The following AFF3 variants were observed in gnomAD, a reference collection of about 807,000 sequenced individuals.
AFF3 encodes the protein AF4/FMR2 family member 3.
AFF3 carries 32 observed loss-of-function variants against 129.7 expected under a neutral mutation model. That is an observed-to-expected ratio of 0.25 (90% CI 0.19 to 0.33). The LOEUF (loss-of-function observed/expected upper bound fraction) is 0.33. Ranked by LOEUF, AFF3 falls within the 10% of genes least tolerant of loss-of-function variation. AFF3 has a pLI of 1.00. For synonymous variants in AFF3, 644 were observed against 635.4 expected, an observed-to-expected ratio of 1.01 and a Z score of -0.20; for missense variants, 1,373 against 1,592.0, an observed-to-expected ratio of 0.86 and a Z score of 2.34.
At chr2:99,895,131 A>G (rs557500620) in intron 7 of AFF3, among the ~76,000 whole-genome samples, 3 of 152,276 alleles carry the variant, frequency 2.0e-5, no homozygotes, top group East Asian at 3.9e-4. Context: ...GGTTGTTGAC[A>G]GTTTTTCTGT....
chr2:99,788,091 C>A (rs752257878), intron 8 of AFF3, among the ~76,000 whole-genome samples: 3 of 152,060 alleles, frequency 2.0e-5, no homozygotes, highest in African/African-American at 7.3e-5. Context: ...AAACCTAATG[C>A]GATGCCAGTC....
At chr2:100,082,710 G>A (rs1351584233) in intron 4 of AFF3, among the ~76,000 whole-genome samples, 1 of 152,088 alleles carries the variant, frequency 6.6e-6, no homozygotes, top group Non-Finnish European at 1.5e-5. Context: ...TTTTGTCATG[G>A]AGTAGTGACC....
rs1692539635 is a variant in AFF3 at position 100,134,119 on chromosome 2, C to A, written c.-227-4813G>T. Among the ~76,000 whole-genome samples, 3 of 152,096 alleles carry A rather than the reference C, an allele frequency of 2.0e-5. 1 individual carries two copies. In the South Asian group the frequency reaches 6.2e-4, roughly 31 times the overall value. ...TTTCCTCATTTTTGCTATGATGAAA[C>A]ACATTATGATAAATATCTTTGCACA... is the stretch of plus-strand genomic sequence containing the variant. On this transcript the variant is annotated intron_variant, in intron 1 of 24. Coordinates refer to ENST00000672756, the MANE Select transcript of AFF3 (RefSeq NM_001386135.1).
At chr2:100,136,983 A>G (rs1485718407) in intron 1 of AFF3, among the ~76,000 whole-genome samples, 2 of 152,092 alleles carry the variant, frequency 1.3e-5, no homozygotes, top group Non-Finnish European at 2.9e-5. Flanking sequence ...TATGAATTGC[A>G]TCCCATTTCC....
chr2:99,911,325 T>C (rs989256776), intron 7 of AFF3, among the ~76,000 whole-genome samples: 2 of 151,432 alleles, frequency 1.3e-5, no homozygotes, highest in Admixed American at 6.6e-5. Flanking sequence ...AAGGTGGAGG[T>C]TGCAGTGGGC....
intron 2 of AFF3, chr2:100,107,311 G>A: frequency 1.4e-5 from 14 of 985,286 alleles, no homozygotes; most frequent in Non-Finnish European, 1.7e-5. Context: ...GGTTTATGAA[G>A]ATGTTCCTAT....
In AFF3 at chr2:99,546,179, A is replaced by G; in HGVS notation, c.*5295T>C. The G allele has an allele frequency of 4.3e-6, 1 of 230,498 alleles. No homozygotes were observed. Among genetic ancestry groups the G allele is most frequent in the African/African-American group, 2.2e-5 (1 of 45,308 alleles). The allele number at this position is 230,498 out of a possible 1,614,324, so 14.3% of individuals were successfully genotyped here. A position where few individuals can be genotyped will look rare whatever the true frequency, so the allele number is the denominator to read the frequency against. Reference sequence around the variant, plus strand: ...CGAAAATGTATTACTTTTTACAAATATAATTCTTATAGGGACAGACTTCAG... The same window carrying G: ...CGAAAATGTATTACTTTTTACAAATGTAATTCTTATAGGGACAGACTTCAG... On this transcript the variant is annotated 3_prime_UTR_variant, in exon 25 of 25. Coordinates refer to ENST00000672756, the MANE Select transcript of AFF3 (RefSeq NM_001386135.1).
rs1295585279 is a variant in AFF3, at chr2:99,672,529, G to T, written c.1143+9C>A. 1.2e-6 allele frequency: 2 copies of T among 1,613,412 alleles called. No homozygotes were observed. The highest frequency in any genetic ancestry group is 1.1e-5 in the South Asian group (1 of 91,056). On this transcript the variant is annotated intron_variant, in intron 12 of 24. Transcript: ENST00000672756. Reference sequence around the variant, plus strand: ...CTCCAAAGGATGATGACATAAAAGAGAATCTTACCTGTTCATTCTCCTCTT... The same window carrying T: ...CTCCAAAGGATGATGACATAAAAGATAATCTTACCTGTTCATTCTCCTCTT...
At chr2:99,650,422 G>A (rs1388088721) in intron 12 of AFF3, among the ~76,000 whole-genome samples, 7 of 152,042 alleles carry the variant, frequency 4.6e-5, no homozygotes, top group Admixed American at 4.6e-4. Context: ...AGCTGGGTGT[G>A]GTGGCATGCG....
At chr2:99,792,466 ACT>A (rs1685262342) in intron 8 of AFF3, among the ~76,000 whole-genome samples, 2 of 144,748 alleles carry the variant, frequency 1.4e-5, no homozygotes, top group Admixed American at 1.4e-4. Flanking sequence ...ACAGAGTGAG[ACT>A]CTGTCTTAAA....
intron 8 of AFF3, among the ~76,000 whole-genome samples, chr2:99,796,062 C>T (rs555186203): frequency 1.3e-5 from 2 of 152,246 alleles, no homozygotes; most frequent in South Asian, 2.1e-4. Context: ...AGCCCAAAGG[C>T]CTCTTAACAC....
At chr2:99,937,394 T>C (rs571426412) in intron 7 of AFF3, among the ~76,000 whole-genome samples, 1 of 150,196 alleles carries the variant, frequency 6.7e-6, no homozygotes, top group East Asian at 1.9e-4. Flanking sequence ...TTTAAATGAA[T>C]TGAAGGATTT....
intron 19 of AFF3, among the ~76,000 whole-genome samples, chr2:99,566,878 G>T (rs184594556): frequency 6.6e-6 from 1 of 151,812 alleles, no homozygotes. Context: ...TTCAAAACCA[G>T]AAATGCAGAG....
intron 8 of AFF3, among the ~76,000 whole-genome samples, chr2:99,775,807 GAT>G (rs760818796): frequency 7.9e-5 from 12 of 152,086 alleles, no homozygotes; most frequent in Admixed American, 4.6e-4. Context: ...TGAGTATTTA[GAT>G]TCTCAAGATG....
chr2:100,021,812 G>A (rs1295050292), intron 4 of AFF3, among the ~76,000 whole-genome samples: 1 of 152,118 alleles, frequency 6.6e-6, no homozygotes, highest in Non-Finnish European at 1.5e-5. Context: ...CACACAATAA[G>A]TATTAGAATC....
chr2:99,586,413 C>G (rs1006293532), intron 16 of AFF3, among the ~76,000 whole-genome samples: 2 of 152,208 alleles, frequency 1.3e-5, no homozygotes, highest in Non-Finnish European at 2.9e-5. Context: ...TTTTCCTAAC[C>G]TTTCAGTTTA....
chr2:100,002,478 A>G (rs1482209482), intron 7 of AFF3, among the ~76,000 whole-genome samples: 3 of 152,216 alleles, frequency 2.0e-5, no homozygotes, highest in African/African-American at 7.2e-5. Context: ...TGATTAATCA[A>G]TACATCTTAG....
At chr2:99,685,542 G>A (rs189766710) in intron 11 of AFF3, among the ~76,000 whole-genome samples, 6 of 152,230 alleles carry the variant, frequency 3.9e-5, no homozygotes, top group East Asian at 3.9e-4. Context: ...TCAGCATTTC[G>A]TCATGGTTTT....
In AFF3 at chr2:100,037,654, A is replaced by C. The variant is rs1393444459; in HGVS notation, c.54-28722T>G. Among the ~76,000 whole-genome samples, 4 of 106,912 alleles carry C rather than the reference A, an allele frequency of 3.7e-5. No homozygotes were observed. The Admixed American group carries it at 4.2e-4, about 11-fold the overall frequency. The allele number at this position is 106,912 out of a possible 152,430, so 70.1% of individuals were successfully genotyped here. On this transcript the variant is annotated intron_variant, in intron 4 of 24. Coordinates refer to ENST00000672756, the MANE Select transcript of AFF3 (RefSeq NM_001386135.1). ...ATTATTTATATATAAATATATATTT[A>C]TATTTTATATATTATTTATATATAA... is the stretch of plus-strand genomic sequence containing the variant.
Sources: gnomAD v4.1 joint callset for allele counts (sites outside exome capture counted in the v4.1 genomes callset) on GRCh38, gnomAD v4.1.1 for gene constraint, MANE v1.5 for transcripts, NCBI Gene and HGNC (gene_info 2026-07-23, HGNC 2026-07-21) for gene names.